Variants in PCF11 observed in about 807,000 individuals in gnomAD.
PCF11 encodes the protein PCF11 cleavage and polyadenylation factor subunit, also known as pre-mRNA cleavage complex 2 protein Pcf11.
A neutral mutation model predicts 166.1 loss-of-function variants in PCF11; 19 were observed. The ratio of observed to expected loss-of-function variants is 0.11; its 90% CI spans 0.08 to 0.17. The LOEUF (loss-of-function observed/expected upper bound fraction) is 0.17. Ranked by LOEUF, PCF11 falls within the 10% of genes least tolerant of loss-of-function variation. The pLI, the probability that PCF11 is intolerant of heterozygous loss-of-function variation, is 1.00. For synonymous variants in PCF11, 663 were observed against 644.1 expected (o/e 1.03, Z -0.44); for missense variants, 1,565 against 1,855.5 (o/e 0.84, Z 2.88).
intron 1 of PCF11, among the ~76,000 whole-genome samples, chr11:83,160,321 GTTTTT>G (rs35201107): frequency 1.8e-3 from 167 of 91,304 alleles, no homozygotes; most frequent in African/African-American, 6.6e-3. Flanking sequence ...GATAACCTAA[GTTTTT>G]TTTTTTTTTT....
intron 14 of PCF11, among the ~76,000 whole-genome samples, chr11:83,182,805 A>C (rs562139733): frequency 1.3e-5 from 2 of 152,208 alleles, no homozygotes; most frequent in Non-Finnish European, 2.9e-5. Context: ...TCATCAAACT[A>C]TACTGTGCTG....
rs776827712 is a variant in PCF11, at chr11:83,177,303, A to G, written c.3877+99A>G. 56 of 873,166 alleles carry G rather than the reference A, an allele frequency of 6.4e-5. No individual in the cohort carries two copies. In the Middle Eastern group the frequency reaches 3.3e-3, roughly 52 times the overall value. The allele number at this position is 873,166 out of a possible 1,614,324, so 54.1% of individuals were successfully genotyped here. On this transcript the variant is annotated intron_variant, in intron 10 of 15. Coordinates refer to ENST00000298281, the Ensembl canonical transcript of PCF11. ...TATAAGTTATGATAAAGGTCCTTAC[A>G]ATAATTGAATTCCTAGGTATAGCTT...
chr11:83,184,969 G>C, exon 16 of PCF11: 2 of 951,698 alleles, frequency 2.1e-6, no homozygotes, highest in Non-Finnish European at 1.6e-6. Flanking sequence ...ATTTTTTTAT[G>C]TATATATAGA....
In PCF11 at chr11:83,168,666, C is replaced by A; in HGVS notation, c.2331C>A (p.Ser777Arg). ...TTTTTGAAGGACCCAATAAATTAAG[C>A]CCTCGAATTGATGGACCTCCCACAC... The change falls in exon 8 of 16, where the codon AGC becomes AGA. Residue 777 changes from serine to arginine, a missense_variant. Ser to Arg is a moderately radical substitution (Grantham distance 110). Around this residue, in one of 12 missense-constraint regions of PCF11, gnomAD observed 725 missense variants for 749.3 expected, o/e 0.97. Coordinates refer to ENST00000298281, the Ensembl canonical transcript of PCF11. 1 of 1,613,904 alleles carries A rather than the reference C, an allele frequency of 6.2e-7. No individual in the cohort carries two copies. Among genetic ancestry groups the A allele is most frequent in the Non-Finnish European group, 8.5e-7 (1 of 1,179,860 alleles).
Position 83,167,083 on chromosome 11 carries a change from A to T in PCF11, c.1818-42A>T, listed in dbSNP as rs187857749. On this transcript the variant is annotated intron_variant, in intron 5 of 15. Coordinates refer to ENST00000298281, the Ensembl canonical transcript of PCF11. This position sits in a 1 kb window ranked among gnomAD's most constrained non-coding sequence, Gnocchi z 4.2. ...TTAAATATGGTCCTGAGTATTTTTTAAAAAAACATTTCAATGTAACATACT... is the reference window on the plus strand; with the variant it reads ...TTAAATATGGTCCTGAGTATTTTTTTAAAAAACATTTCAATGTAACATACT... The T allele has an allele frequency of 1.8e-5, 27 of 1,488,370 alleles. No individual in the cohort carries two copies. The highest frequency in any genetic ancestry group is 1.0e-4 in the South Asian group (8 of 78,440). 92.2% of individuals were successfully genotyped at this position (1,488,370 alleles called of 1,614,324 possible).
At chr11:83,181,980 G>A in exon 13 of PCF11, 4 of 1,612,298 alleles carry the variant, frequency 2.5e-6, no homozygotes, top group Non-Finnish European at 3.4e-6. Context: ...GTTCCAAAGT[G>A]TACCTGCTGG....
Position 83,167,383 on chromosome 11 carries a change from A to G in PCF11, c.2002-32A>G. ...TTTTTGGTATTTTTTTATATTTAAA[A>G]TATTTTATTTCCTTTTATCACCCCT... On this transcript the variant is annotated intron_variant, in intron 6 of 15. Coordinates refer to ENST00000298281, the Ensembl canonical transcript of PCF11. This position sits in a 1 kb window ranked among gnomAD's most constrained non-coding sequence, Gnocchi z 4.2. 1.3e-6 allele frequency: 2 copies of G among 1,523,960 alleles called. No individual in the cohort carries two copies. The highest frequency in any genetic ancestry group is 1.8e-6 in the Non-Finnish European group (2 of 1,139,124). The allele number at this position is 1,523,960 out of a possible 1,614,324, so 94.4% of individuals were successfully genotyped here. A position where few individuals can be genotyped will look rare whatever the true frequency, so the allele number is the denominator to read the frequency against.
At chr11:83,170,017 T>C in intron 8 of PCF11, 22 bp downstream of exon 8, 3 of 1,531,828 alleles carry the variant, frequency 2.0e-6, no homozygotes, top group Middle Eastern at 3.5e-4. Flanking sequence ...ATTCTAAAAT[T>C]GCGTTGTATG....
chr11:83,160,355 TTA>T (rs1491315160), intron 1 of PCF11, among the ~76,000 whole-genome samples: 79 of 140,876 alleles, frequency 5.6e-4, no homozygotes, highest in African/African-American at 2.0e-3. Context: ...TCTTTTTTTT[TTA>T]TTTTAAATCA....
intron 9 of PCF11, among the ~76,000 whole-genome samples, chr11:83,176,551 C>A (rs1169323294): frequency 1.3e-5 from 2 of 152,078 alleles, no homozygotes; most frequent in Non-Finnish European, 2.9e-5. Flanking sequence ...ATGGATGAAG[C>A]AGGAAACCAT....
exon 5 of PCF11, chr11:83,165,857 C>T: frequency 6.2e-7 from 1 of 1,606,066 alleles, no homozygotes; most frequent in South Asian, 1.1e-5. Flanking sequence ...TTCTAATGAA[C>T]ACATTAAACC....
chr11:83,180,960 C>A (rs376517199), intron 11 of PCF11, 48 bp from the exon 12 acceptor site: 1 of 1,085,336 alleles, frequency 9.2e-7, no homozygotes, highest in South Asian at 1.6e-5. Context: ...TTTTAAAGGC[C>A]ATTAAGCCAT....
chr11:83,185,033 A>G (rs922543116), exon 16 of PCF11: 46 of 569,872 alleles, frequency 8.1e-5, no homozygotes, highest in Non-Finnish European at 3.0e-6. Context: ...TCATTTGGTT[A>G]ATAAATACAT....
intron 9 of PCF11, among the ~76,000 whole-genome samples, chr11:83,175,994 C>T (rs150799501): frequency 8.5e-5 from 13 of 152,326 alleles, no homozygotes; most frequent in African/African-American, 3.1e-4. Context: ...CAGGTATACT[C>T]TGAGCCATCT....
intron 5 of PCF11, among the ~76,000 whole-genome samples, 186 bp downstream of exon 5, chr11:83,166,900 A>G (rs187277654): frequency 4.9e-4 from 75 of 152,336 alleles, no homozygotes; most frequent in African/African-American, 1.7e-3. Flanking sequence ...AAGTTTAGAA[A>G]GGTTAACTAA....
exon 1 of PCF11, chr11:83,157,375 A>C (rs1860029143): frequency 7.0e-7 from 1 of 1,429,084 alleles, no homozygotes; most frequent in African/African-American, 1.4e-5. Context: ...GTCGGAAGGG[A>C]GGCGGGGTAT....
chr11:83,165,446 T>C (rs1420393702), intron 4 of PCF11, among the ~76,000 whole-genome samples, 154 bp from the exon 5 acceptor site: 1 of 152,224 alleles, frequency 6.6e-6, no homozygotes, highest in Non-Finnish European at 1.5e-5. Flanking sequence ...CTTTTCATTG[T>C]AATCTCAATT....
intron 1 of PCF11, among the ~76,000 whole-genome samples, chr11:83,159,584 A>G (rs1443675898): frequency 1.3e-5 from 2 of 152,186 alleles, no homozygotes; most frequent in Admixed American, 6.5e-5. Context: ...CTTTGCTGGT[A>G]AAAGACAGCT....
At chr11:83,160,321 G>GTTTTTTTTTTTTTTTTTTT (rs35201107) in intron 1 of PCF11, among the ~76,000 whole-genome samples, 24 of 91,264 alleles carry the variant, frequency 2.6e-4, no homozygotes, top group African/African-American at 3.4e-4. Context: ...GATAACCTAA[G>GTTTTTTTTTTTTTTTTTTT]TTTTTTTTTT....
Sources: gnomAD v4.1 joint callset for allele counts (sites outside exome capture counted in the v4.1 genomes callset) on GRCh38, gnomAD v4.1.1 for gene constraint, gnomAD v4.1.1 regional missense constraint, Gnocchi (gnomAD v3.1) non-coding constraint, MANE v1.5 for transcripts, NCBI Gene and HGNC (gene_info 2026-07-23, HGNC 2026-07-21) for gene names.